The following CD200R1 variants were observed in gnomAD, a reference collection of about 807,000 sequenced individuals.
The protein encoded by CD200R1 is CD200 receptor 1.
In CD200R1, 30 loss-of-function variants were observed where a neutral mutation model predicts 38.1. The observed-to-expected ratio is 0.79, with a 90% CI of 0.59 to 1.07. The LOEUF (loss-of-function observed/expected upper bound fraction) is 1.07, where lower values mean the gene tolerates loss of function less well. Ranked by LOEUF, CD200R1 falls within the 50% of genes least tolerant of loss-of-function variation. CD200R1 has a pLI of 0.00. For missense variants in CD200R1, 372 were observed against 415.4 expected, an observed-to-expected ratio of 0.90 and a Z score of 0.91; for synonymous variants, 128 against 152.1, an observed-to-expected ratio of 0.84 and a Z score of 1.16.
intron 1 of CD200R1, among the ~76,000 whole-genome samples, chr3:112,968,198 C>T (rs542613051): frequency 5.3e-5 from 8 of 152,024 alleles, no homozygotes; most frequent in South Asian, 2.1e-4. Context: ...GAAAGAAGAA[C>T]GAAATTTTAC....
At chr3:112,971,312 G>C (rs927593943) in intron 1 of CD200R1, among the ~76,000 whole-genome samples, 2 of 152,176 alleles carry the variant, frequency 1.3e-5, no homozygotes, top group Non-Finnish European at 2.9e-5. Flanking sequence ...TACATGTTCA[G>C]TACTAATGAA....
intron 2 of CD200R1, among the ~76,000 whole-genome samples, chr3:112,942,637 C>T (rs527522084): frequency 6.6e-6 from 1 of 151,478 alleles, no homozygotes; most frequent in African/African-American, 2.4e-5. Context: ...TCACTTTGAA[C>T]ATCAATGGTC....
chr3:112,939,741 A>G (rs1316249312), intron 2 of CD200R1, among the ~76,000 whole-genome samples: 1 of 151,784 alleles, frequency 6.6e-6, no homozygotes, highest in East Asian at 1.9e-4. Flanking sequence ...AATAAATGTA[A>G]TTACTATCAA....
At chr3:112,966,043 G>A (rs985651756) in intron 1 of CD200R1, among the ~76,000 whole-genome samples, 37 of 152,146 alleles carry the variant, frequency 2.4e-4, no homozygotes, top group African/African-American at 8.9e-4. Context: ...CAAGTAGCTC[G>A]GCAGAGCTCA....
chr3:112,925,451 G>A (rs1000080573), intron 5 of CD200R1, among the ~76,000 whole-genome samples: 1 of 152,072 alleles, frequency 6.6e-6, no homozygotes, highest in African/African-American at 2.4e-5. Flanking sequence ...GAAGGAGGGA[G>A]GAATAGAAAG....
chr3:112,953,545 G>C (rs1372115052), intron 1 of CD200R1, among the ~76,000 whole-genome samples: 1 of 152,106 alleles, frequency 6.6e-6, no homozygotes, highest in African/African-American at 2.4e-5. Context: ...TTACATGCTT[G>C]GTAGAATTCA....
chr3:112,925,243 T>C lies in CD200R1; in HGVS notation c.770-50A>G, dbSNP rs936298716. 10 of 855,050 alleles carry C rather than the reference T, an allele frequency of 1.2e-5. No individual in the cohort carries two copies. The Admixed American group carries it at 1.8e-4, about 15-fold the overall frequency. 53.0% of individuals were successfully genotyped at this position (855,050 alleles called of 1,614,324 possible). On this transcript the variant is annotated intron_variant, in intron 5 of 7. Transcript: ENST00000308611. ...CAAATGTGGTACAATCCAAATAATG[T>C]ACTATCTTATTATTCAATGTTAAAA... is the stretch of plus-strand genomic sequence containing the variant.
chr3:112,957,247 T>C (rs1282538267), intron 1 of CD200R1, among the ~76,000 whole-genome samples: 2 of 152,212 alleles, frequency 1.3e-5, no homozygotes, highest in Non-Finnish European at 2.9e-5. Flanking sequence ...TTTCTTTAGC[T>C]CTTGTTAAGG....
At chr3:112,952,190 AT>A (rs1199539119) in intron 1 of CD200R1, among the ~76,000 whole-genome samples, 2 of 152,194 alleles carry the variant, frequency 1.3e-5, no homozygotes. Flanking sequence ...ACACATATAT[AT>A]ACTTTATTGA....
chr3:112,950,488 C>A (rs1317295990), intron 1 of CD200R1, among the ~76,000 whole-genome samples: 1 of 151,658 alleles, frequency 6.6e-6, no homozygotes, highest in Non-Finnish European at 1.5e-5. Context: ...TTTTATCTTT[C>A]AAAATACATA....
At chr3:112,929,961 GT>G (rs1940386273) in intron 3 of CD200R1, among the ~76,000 whole-genome samples, 1 of 151,930 alleles carries the variant, frequency 6.6e-6, no homozygotes, top group African/African-American at 2.4e-5. Flanking sequence ...TATCTCTAAG[GT>G]TTTTGTTTCA....
At chr3:112,963,671 C>A (rs1253241099) in intron 1 of CD200R1, among the ~76,000 whole-genome samples, 3 of 151,438 alleles carry the variant, frequency 2.0e-5, no homozygotes, top group African/African-American at 7.3e-5. Context: ...AAGCAGAGCA[C>A]AAAAGTTGAT....
chr3:112,933,242 C>T (rs1315710495), intron 2 of CD200R1, among the ~76,000 whole-genome samples: 1 of 152,166 alleles, frequency 6.6e-6, no homozygotes, highest in Non-Finnish European at 1.5e-5. Flanking sequence ...AGCAGACATG[C>T]CCTGAGGATA....
At position 112,975,100 on chromosome 3, in the gene CD200R1, G is replaced by C. The variant is rs766259248; in HGVS notation, c.-243C>G. 3.8e-5 allele frequency: 20 copies of C among 524,638 alleles called. No homozygotes were observed. Among genetic ancestry groups the C allele is most frequent in the Non-Finnish European group, 6.5e-5 (19 of 292,816 alleles). 32.5% of individuals were successfully genotyped at this position (524,638 alleles called of 1,614,324 possible). On this transcript the variant is annotated 5_prime_UTR_variant, in exon 1 of 8. Transcript: ENST00000308611. ...AACTTGACACAGCAATAGATTTCCTGTATGAAGCCCTGAAGCAAAGACGGA... is the reference window on the plus strand; with the variant it reads ...AACTTGACACAGCAATAGATTTCCTCTATGAAGCCCTGAAGCAAAGACGGA...
intron 6 of CD200R1, 34 bp downstream of exon 6, chr3:112,925,051 G>T: frequency 8.0e-7 from 1 of 1,248,074 alleles, no homozygotes; most frequent in Non-Finnish European, 1.2e-6. Context: ...GCCTAATAAA[G>T]CTGAAGAAGA....
rs751262684 is a variant in CD200R1, at chr3:112,928,943, T to A, written c.642A>T (p.Glu214Asp). 91 of 1,613,944 alleles carry A rather than the reference T, an allele frequency of 5.6e-5. No homozygotes were observed. The highest frequency in any genetic ancestry group is 6.9e-5 in the Non-Finnish European group (82 of 1,180,000). ...IPEGDCATKQ[E>D]YWSNGTVTVK... ...CAGTCACTGTGCCATTGCTCCAGTATTCTTGCTTAGTGGCACAATCGCCCT... is the reference window on the plus strand; with the variant it reads ...CAGTCACTGTGCCATTGCTCCAGTAATCTTGCTTAGTGGCACAATCGCCCT... The change falls in exon 5 of 8, where the codon GAA (glutamate) becomes GAT (aspartate). Residue 214 changes from glutamate to aspartate, a missense_variant. Physicochemically the swap from Glu to Asp is conservative, Grantham distance 45. Coordinates refer to ENST00000308611, the MANE Select transcript of CD200R1 (RefSeq NM_138806.4).
chr3:112,947,903 G>C lies in CD200R1; in HGVS notation c.89C>G (p.Pro30Arg). The C allele has an allele frequency of 6.2e-7, 1 of 1,612,672 alleles. No homozygotes were observed. Among genetic ancestry groups the C allele is most frequent in the East Asian group, 2.2e-5 (1 of 44,856 alleles). ...LVAEAEGAAQ[P>R]NNSLMLQTSK... ...AGTTTGCAGCATTAATGAGTTGTTT[G>C]GTTGAGCAGCACCCTCCGCTTCTGA... is the stretch of plus-strand genomic sequence containing the variant. The change falls in exon 2 of 8, where the codon CCA (proline) becomes CGA (arginine). Residue 30 changes from proline to arginine, a missense_variant. By Grantham distance (103) the Pro-to-Arg change is moderately radical. Transcript: ENST00000308611.
At chr3:112,974,718 A>C in intron 1 of CD200R1, 73 bp downstream of exon 1, 6 of 1,015,508 alleles carry the variant, frequency 5.9e-6, no homozygotes, top group Non-Finnish European at 9.4e-6. Context: ...CCCCAGAAGA[A>C]AGACAAAAAA....
chr3:112,967,610 C>A (rs1933200890), intron 1 of CD200R1, among the ~76,000 whole-genome samples: 1 of 152,242 alleles, frequency 6.6e-6, no homozygotes, highest in Non-Finnish European at 1.5e-5. Flanking sequence ...GCATGAAGCA[C>A]AGTGACTGAT....
Sources: gnomAD v4.1 joint callset for allele counts (sites outside exome capture counted in the v4.1 genomes callset) on GRCh38, gnomAD v4.1.1 for gene constraint, MANE v1.5 for transcripts, NCBI Gene and HGNC (gene_info 2026-07-23, HGNC 2026-07-21) for gene names.